Variants in FRMD6 observed in about 807,000 individuals in gnomAD.
The protein encoded by FRMD6 is FERM domain-containing protein 6.
FRMD6 carries 37 observed loss-of-function variants against 73.2 expected under a neutral mutation model. The ratio of observed to expected loss-of-function variants is 0.51; its 90% CI spans 0.39 to 0.66. FRMD6 has a LOEUF of 0.66. Among genes scored for constraint, FRMD6 ranks in the 30% least tolerant of loss-of-function variants. The pLI, the probability that FRMD6 is intolerant of heterozygous loss-of-function variation, is 0.00. For missense variants in FRMD6, 714 were observed against 780.5 expected, an observed-to-expected ratio of 0.91 and a Z score of 1.02; for synonymous variants, 273 against 282.2, an observed-to-expected ratio of 0.97 and a Z score of 0.33.
At chr14:51,400,478 C>T in the FRMD6 span, among the ~76,000 whole-genome samples, 1 of 152,190 alleles carries the variant, frequency 6.6e-6, no homozygotes, top group Non-Finnish European at 1.5e-5. Flanking sequence ...TAATATTTTA[C>T]TCTTGTCCAT....
chr14:51,619,007 T>A (rs1890817639), intron 2 of FRMD6, among the ~76,000 whole-genome samples: 1 of 151,648 alleles, frequency 6.6e-6, no homozygotes. Context: ...TAATTTGTTG[T>A]AAGACAAAAA....
chr14:51,661,844 T>A (rs975195092), intron 1 of FRMD6, among the ~76,000 whole-genome samples: 4 of 152,236 alleles, frequency 2.6e-5, no homozygotes, highest in Admixed American at 2.6e-4. Context: ...TTCAGTTTTG[T>A]ATATTACAAA....
chr14:51,628,799 T>TAA (rs1566512046), intron 2 of FRMD6, among the ~76,000 whole-genome samples: 2 of 9,324 alleles, frequency 2.1e-4, no homozygotes, highest in Non-Finnish European at 4.5e-4. Context: ...AGACTCTGTC[T>TAA]CAAAAAAAAA....
chr14:51,458,193 G>A, the FRMD6 span, among the ~76,000 whole-genome samples: 1 of 152,184 alleles, frequency 6.6e-6, no homozygotes, highest in African/African-American at 2.4e-5. Context: ...AGAGAGTTGT[G>A]TTGATATGAT....
intron 3 of FRMD6, among the ~76,000 whole-genome samples, chr14:51,699,743 A>T (rs1409683632): frequency 4.6e-5 from 7 of 151,990 alleles, no homozygotes; most frequent in African/African-American, 7.2e-5. Context: ...GCAGTTTAAA[A>T]ATATATATAT....
chr14:51,721,542 G>A (rs769512316), intron 11 of FRMD6, among the ~76,000 whole-genome samples: 2 of 151,692 alleles, frequency 1.3e-5, no homozygotes, highest in African/African-American at 2.4e-5. Flanking sequence ...CCCAGGAGGC[G>A]GAGGTTGCAG....
rs185143650 is a variant in FRMD6, at chr14:51,640,874, A to G, written c.-146-48817A>G. Among the ~76,000 whole-genome samples, 9 of 152,364 alleles carry G rather than the reference A, an allele frequency of 5.9e-5. No individual in the cohort carries two copies. The East Asian group carries it at 1.7e-3, about 29-fold the overall frequency. On this transcript the variant is annotated intron_variant, in intron 2 of 14. Coordinates refer to the FRMD6 transcript ENST00000356218. The stretch of plus-strand genomic sequence containing the variant: ...ACTAAACCACTTAAAAATAAAATTT[A>G]GCAAATTATTTAAGTAATGATAATT...
At chr14:51,596,807 A>G (rs535262756) in intron 2 of FRMD6, among the ~76,000 whole-genome samples, 1 of 152,286 alleles carries the variant, frequency 6.6e-6, no homozygotes, top group Non-Finnish European at 1.5e-5. Flanking sequence ...ACTCAAGAGA[A>G]AAGCTGTCTT....
intron 1 of FRMD6, among the ~76,000 whole-genome samples, chr14:51,657,462 C>A (rs965282269): frequency 6.6e-6 from 1 of 152,166 alleles, no homozygotes; most frequent in Non-Finnish European, 1.5e-5. Flanking sequence ...CATTTAAATG[C>A]AATAAAATAC....
In FRMD6 at chr14:51,727,952, G is replaced by A; in HGVS notation, c.1792G>A (p.Ala598Thr). 6.2e-7 allele frequency: 1 copy of A among 1,614,070 alleles called. No individual in the cohort carries two copies. The highest frequency in any genetic ancestry group is 8.5e-7 in the Non-Finnish European group (1 of 1,179,922). ...LAQQCINIQD[A>T]FPVKRTSKYF... ...CCAGCAGTGCATCAACATCCAAGAT[G>A]CTTTTCCAGTCAAAAGAACCAGCAA... is the stretch of plus-strand genomic sequence containing the variant. The change falls in exon 14 of 14, where the codon GCT (alanine) becomes ACT (threonine). Residue 598 changes from alanine (A) to threonine (T), a missense_variant. By Grantham distance (58) the Ala-to-Thr change is moderately conservative. Transcript: ENST00000344768.
At chr14:51,684,161 TA>T (rs35178247) in intron 1 of FRMD6, among the ~76,000 whole-genome samples, 56,590 of 145,086 alleles carry the variant, frequency 0.39, 10,636 homozygotes, top group African/African-American at 0.44. Flanking sequence ...AAATGACCCT[TA>T]AAAAAAAAAA....
chr14:51,559,447 G>A (rs950811277), intron 1 of FRMD6, among the ~76,000 whole-genome samples: 2 of 151,850 alleles, frequency 1.3e-5, no homozygotes, highest in South Asian at 2.1e-4. Context: ...AGAATCCTCC[G>A]GTGGTGATGG....
intron 1 of FRMD6, among the ~76,000 whole-genome samples, chr14:51,528,397 T>C (rs1885384158): frequency 6.6e-6 from 1 of 152,324 alleles, no homozygotes; most frequent in African/African-American, 2.4e-5. Context: ...GTTGTGGCCT[T>C]GGAAAAATCA....
intron 1 of FRMD6, among the ~76,000 whole-genome samples, chr14:51,506,984 T>C (rs1412373642): frequency 1.3e-5 from 2 of 152,148 alleles, no homozygotes; most frequent in Non-Finnish European, 2.9e-5. Context: ...TCATGAGGAA[T>C]GTGTATTATA....
At chr14:51,644,550 A>T (rs1891977457) in intron 2 of FRMD6, among the ~76,000 whole-genome samples, 1 of 152,268 alleles carries the variant, frequency 6.6e-6, no homozygotes, top group Non-Finnish European at 1.5e-5. Flanking sequence ...AAATTCTAAA[A>T]GGAGAGACAG....
intron 2 of FRMD6, among the ~76,000 whole-genome samples, chr14:51,641,798 T>A (rs1247514109): frequency 6.6e-6 from 1 of 152,182 alleles, no homozygotes; most frequent in African/African-American, 2.4e-5. Context: ...TGTAGGACGT[T>A]GAGCAGCATC....
chr14:51,503,588 A>C (rs961675720), intron 1 of FRMD6, among the ~76,000 whole-genome samples: 1 of 152,118 alleles, frequency 6.6e-6, no homozygotes, highest in African/African-American at 2.4e-5. Flanking sequence ...GTGGTGGATA[A>C]GCTTTTTAAC....
At chr14:51,657,587 T>C (rs948872480) in intron 1 of FRMD6, among the ~76,000 whole-genome samples, 2 of 152,240 alleles carry the variant, frequency 1.3e-5, no homozygotes, top group Non-Finnish European at 1.5e-5. Context: ...CCAGTTTCTT[T>C]ATCCATTTTG....
Position 51,528,534 on chromosome 14 carries a change from C to T in FRMD6, c.-210+39114C>T, listed in dbSNP as rs73285062. ...TTTTGGGGAGCCCATTAGAAGGTCCCCAAAGGTAAAACACCAAGATCCCCA... is the reference window on the plus strand; with the variant it reads ...TTTTGGGGAGCCCATTAGAAGGTCCTCAAAGGTAAAACACCAAGATCCCCA... On this transcript the variant is annotated intron_variant, in intron 1 of 14. Transcript: ENST00000356218. Among the ~76,000 whole-genome samples the T allele has an allele frequency of 9.4e-3, 1,432 of 152,160 alleles. 22 individuals carry two copies. Among genetic ancestry groups the T allele is most frequent in the Middle Eastern group, 0.031 (9 of 294 alleles).
Sources: gnomAD v4.1 joint callset for allele counts (sites outside exome capture counted in the v4.1 genomes callset) on GRCh38, gnomAD v4.1.1 for gene constraint, MANE v1.5 for transcripts, NCBI Gene and HGNC (gene_info 2026-07-23, HGNC 2026-07-21) for gene names.